Variants in ACTN1 observed in about 807,000 individuals in gnomAD.
ACTN1 encodes actinin alpha 1.
Under a neutral mutation model 119.6 loss-of-function variants are expected in ACTN1, and 30 were observed. That is an observed-to-expected ratio of 0.25 (90% confidence interval 0.19 to 0.34). ACTN1 has a LOEUF of 0.34. ACTN1 is among the 10% of genes least tolerant of loss of function. The pLI is 1.00. For synonymous variants in ACTN1, 429 were observed against 472.6 expected (o/e 0.91, Z 1.20); for missense variants, 764 against 1,223.4 (o/e 0.62, Z 5.60).
At chr14:68,891,254 G>T (rs900202031) in intron 10 of ACTN1, among the ~76,000 whole-genome samples, 1 of 152,150 alleles carries the variant, frequency 6.6e-6, no homozygotes, top group African/African-American at 2.4e-5. Context: ...TTTCTTCTGT[G>T]TGTTTCTCTG....
At chr14:68,937,303 G>A (rs1198995965) in intron 1 of ACTN1, among the ~76,000 whole-genome samples, 1 of 152,126 alleles carries the variant, frequency 6.6e-6, no homozygotes, top group East Asian at 1.9e-4. Context: ...AGACCTCTAG[G>A]ATAGGATAGA....
intron 1 of ACTN1, among the ~76,000 whole-genome samples, chr14:68,933,308 G>C (rs886987325): frequency 5.3e-5 from 8 of 151,876 alleles, no homozygotes; most frequent in Non-Finnish European, 1.0e-4. Context: ...TAATTTTTTT[G>C]TATTTTTAGT....
At chr14:68,945,674 G>A (rs944380853) in intron 1 of ACTN1, among the ~76,000 whole-genome samples, 2 of 152,156 alleles carry the variant, frequency 1.3e-5, no homozygotes, top group Admixed American at 6.5e-5. Context: ...GGAGAGACGG[G>A]GAGGAGGGGC....
intron 4 of ACTN1, 98 bp from the exon 5 acceptor site, chr14:68,910,140 AC>A (rs1435117095): frequency 8.1e-6 from 7 of 868,558 alleles, no homozygotes; most frequent in Admixed American, 7.0e-5. Context: ...TTTGATGCCA[AC>A]CCTGCAGCTA....
rs1175739088 is a variant in ACTN1 at position 68,885,052 on chromosome 14, A to G, written c.1386-169T>C. 6.6e-6 allele frequency among the ~76,000 whole-genome samples: 1 copy of G among 151,872 alleles called. No homozygotes were observed. The highest frequency in any genetic ancestry group is 2.4e-5 in the African/African-American group (1 of 41,342). On this transcript the variant is annotated intron_variant, in intron 12 of 21. Coordinates refer to ENST00000394419, the MANE Select transcript of ACTN1 (RefSeq NM_001130004.2). This position sits in a 1 kb window ranked among gnomAD's most constrained non-coding sequence, Gnocchi z 5.6. Reference sequence around the variant, plus strand: ...TTCCACCCCTCCCCTCTTTCAGGAGACTGGCAGAGAGGAGACCAAAGAAGA... The same window carrying G: ...TTCCACCCCTCCCCTCTTTCAGGAGGCTGGCAGAGAGGAGACCAAAGAAGA...
chr14:68,969,062 T>C (rs1423784898), intron 1 of ACTN1, among the ~76,000 whole-genome samples: 2 of 152,230 alleles, frequency 1.3e-5, no homozygotes, highest in East Asian at 3.9e-4. Context: ...CCAAGCAGAC[T>C]CAGTGAGGGG....
At position 68,885,115 on chromosome 14, in the gene ACTN1, T is replaced by C. The variant is rs2031887330; in HGVS notation, c.1386-232A>G. 6.6e-6 allele frequency among the ~76,000 whole-genome samples: 1 copy of C among 152,056 alleles called. No individual in the cohort carries two copies. The highest frequency in any genetic ancestry group is 1.5e-5 in the Non-Finnish European group (1 of 67,996). On this transcript the variant is annotated intron_variant, in intron 12 of 21. Coordinates refer to ENST00000394419, the MANE Select transcript of ACTN1 (RefSeq NM_001130004.2). The surrounding 1 kb of genome is among the most constrained non-coding windows in gnomAD (Gnocchi z 5.6). Reference sequence around the variant, plus strand: ...TCATGGCTGGAGGTGACACCAGCCTTCACCTCAATGGCCAATGGCAGGGAG... The same window carrying C: ...TCATGGCTGGAGGTGACACCAGCCTCCACCTCAATGGCCAATGGCAGGGAG...
At chr14:68,900,429 A>C (rs1397054464) in intron 8 of ACTN1, among the ~76,000 whole-genome samples, 1 of 151,948 alleles carries the variant, frequency 6.6e-6, no homozygotes, top group Non-Finnish European at 1.5e-5. Flanking sequence ...AGGCAGGAAG[A>C]GTTCTCCCTG....
chr14:68,945,309 T>G (rs1594856103), intron 1 of ACTN1, among the ~76,000 whole-genome samples: 5 of 144,078 alleles, frequency 3.5e-5, no homozygotes, highest in African/African-American at 2.6e-5. Context: ...AAGAAGAGGG[T>G]GCCAGAGACT....
chr14:68,936,739 A>C, intron 1 of ACTN1: 1 of 631,176 alleles, frequency 1.6e-6, no homozygotes, highest in Non-Finnish European at 3.1e-6. Flanking sequence ...GTCCTTGGCC[A>C]GTTTCTGGTG....
At position 68,909,559 on chromosome 14, in the gene ACTN1, C is replaced by T. The variant is rs2033875916; in HGVS notation, c.516-163G>A. Among the ~76,000 whole-genome samples, 1 of 152,178 alleles carries T rather than the reference C, an allele frequency of 6.6e-6. No homozygotes were observed. The highest frequency in any genetic ancestry group is 6.5e-5 in the Admixed American group (1 of 15,280). ...TGGGAAGGGACATTTCTTCCTGCCA[C>T]AAATCCCAGGCACTAGGGTCAAGAC... On this transcript the variant is annotated intron_variant, in intron 5 of 21. Transcript: ENST00000394419. This position sits in a 1 kb window ranked among gnomAD's most constrained non-coding sequence, Gnocchi z 4.1.
chr14:68,911,850 C>T lies in ACTN1; in HGVS notation c.427+306G>A, dbSNP rs146331499. ...GGTCCTTCCTCCCAGCCGCTATTTC[C>T]CCACCCTTTCAGATTAACAACCCAA... On this transcript the variant is annotated intron_variant, in intron 4 of 21. Coordinates refer to ENST00000394419, the MANE Select transcript of ACTN1 (RefSeq NM_001130004.2). Among the ~76,000 whole-genome samples, 28 of 152,296 alleles carry T rather than the reference C, an allele frequency of 1.8e-4. No homozygotes were observed. The East Asian group carries it at 2.9e-3, about 16-fold the overall frequency.
At chr14:68,929,362 C>T (rs1192871640) in intron 1 of ACTN1, among the ~76,000 whole-genome samples, 1 of 152,084 alleles carries the variant, frequency 6.6e-6, no homozygotes, top group Admixed American at 6.6e-5. Flanking sequence ...ACCCACGGCC[C>T]CAAGACCTCC....
At chr14:68,888,603 C>A (rs2032220666) in intron 11 of ACTN1, among the ~76,000 whole-genome samples, 2 of 152,132 alleles carry the variant, frequency 1.3e-5, no homozygotes, top group Admixed American at 6.5e-5. Context: ...GGGGTCCCCA[C>A]CCCCTGGGCC....
intron 1 of ACTN1, among the ~76,000 whole-genome samples, chr14:68,965,908 G>A (rs1594881121): frequency 6.6e-6 from 1 of 152,202 alleles, no homozygotes; most frequent in East Asian, 1.9e-4. Context: ...GGAGTCAACT[G>A]CAAGGTCACC....
intron 4 of ACTN1, 104 bp downstream of exon 4, chr14:68,912,052 G>T: frequency 1.0e-6 from 1 of 962,626 alleles, no homozygotes; most frequent in Non-Finnish European, 1.6e-6. Flanking sequence ...CCAGGACATG[G>T]CCCCTGATCA....
chr14:68,897,756 G>T (rs1341437398), intron 8 of ACTN1, among the ~76,000 whole-genome samples: 1 of 152,234 alleles, frequency 6.6e-6, no homozygotes, highest in Non-Finnish European at 1.5e-5. Flanking sequence ...TTCCTACTAA[G>T]AGAGCCCCAG....
At chr14:68,967,374 C>T (rs938032416) in intron 1 of ACTN1, among the ~76,000 whole-genome samples, 1 of 152,184 alleles carries the variant, frequency 6.6e-6, no homozygotes, top group Non-Finnish European at 1.5e-5. Context: ...TCGGTGAATA[C>T]CTAGTATGTG....
At chr14:68,900,039 G>A (rs11625822) in intron 8 of ACTN1, among the ~76,000 whole-genome samples, 22,064 of 151,998 alleles carry the variant, frequency 0.15, 1,827 homozygotes, top group African/African-American at 0.21. Flanking sequence ...GGGCAGGCTC[G>A]GGGGATACCT....
Sources: allele counts gnomAD v4.1 joint callset (sites outside exome capture counted in the v4.1 genomes callset), GRCh38; gene constraint gnomAD v4.1.1; non-coding constraint Gnocchi (gnomAD v3.1); transcripts MANE v1.5; gene names NCBI Gene and HGNC (gene_info 2026-07-23, HGNC 2026-07-21).